KAZN: variants seen among roughly 807,000 people sequenced by gnomAD.
KAZN encodes kazrin.
KAZN carries 40 observed loss-of-function variants against 87.4 expected under a neutral mutation model. That is an observed-to-expected ratio of 0.46 (90% CI 0.36 to 0.60). The LOEUF is 0.60. Among genes scored for constraint, KAZN ranks in the 20% least tolerant of loss-of-function variants. The pLI is 0.00. For synonymous variants in KAZN, 466 were observed against 458.3 expected, an observed-to-expected ratio of 1.02 and a Z score of -0.22; for missense variants, 898 against 1,073.9, an observed-to-expected ratio of 0.84 and a Z score of 2.29.
chr1:14,835,512 C>T (rs1232038639), intron 1 of KAZN, among the ~76,000 whole-genome samples: 1 of 152,128 alleles, frequency 6.6e-6, no homozygotes, highest in African/African-American at 2.4e-5. Flanking sequence ...TTATGTTACT[C>T]ACTCTGCACA....
At chr1:14,508,502 A>G (rs768815410) in intron 2 of KAZN, among the ~76,000 whole-genome samples, 7 of 152,210 alleles carry the variant, frequency 4.6e-5, no homozygotes, top group Non-Finnish European at 7.3e-5. Flanking sequence ...TCCTTAAACA[A>G]TTTCAAATTT....
chr1:15,027,070 CTTTTTTTT>C (rs71000358), intron 2 of KAZN, among the ~76,000 whole-genome samples: 12 of 56,116 alleles, frequency 2.1e-4, no homozygotes, highest in African/African-American at 6.1e-4. Flanking sequence ...GCCAGTGCTT[CTTTTTTTT>C]TTTTTTTTTT....
chr1:13,998,029 T>C (rs551793044), intron 1 of KAZN, among the ~76,000 whole-genome samples: 3 of 152,314 alleles, frequency 2.0e-5, no homozygotes, highest in African/African-American at 7.2e-5. Context: ...AGCAGACCTT[T>C]CAGGAGAAAC....
intron 1 of KAZN, among the ~76,000 whole-genome samples, chr1:14,159,017 CT>C (rs1180747748): frequency 6.6e-6 from 1 of 152,070 alleles, no homozygotes; most frequent in Non-Finnish European, 1.5e-5. Flanking sequence ...ACAAGTACTC[CT>C]GTGGCCACCA....
chr1:14,823,035 C>T (rs1315468271), intron 1 of KAZN, among the ~76,000 whole-genome samples: 1 of 152,108 alleles, frequency 6.6e-6, no homozygotes, highest in East Asian at 1.9e-4. Flanking sequence ...TCTTCGAAAG[C>T]AGGAAGGGGT....
intron 1 of KAZN, among the ~76,000 whole-genome samples, chr1:14,131,194 A>G (rs553585783): frequency 6.6e-4 from 101 of 152,304 alleles, no homozygotes; most frequent in African/African-American, 2.4e-3. Flanking sequence ...AGGAACAGCA[A>G]GGAGGAAATC....
chr1:14,520,306 C>T (rs1464716394), intron 2 of KAZN, among the ~76,000 whole-genome samples: 1 of 152,082 alleles, frequency 6.6e-6, no homozygotes, highest in East Asian at 1.9e-4. Flanking sequence ...TGGCCACAGC[C>T]CAATGGAGGA....
chr1:14,259,114 C>T (rs1650808528), intron 2 of KAZN, among the ~76,000 whole-genome samples: 1 of 151,782 alleles, frequency 6.6e-6, no homozygotes, highest in South Asian at 2.1e-4. Flanking sequence ...TCACAAAGGC[C>T]GATGGTTTCT....
intron 2 of KAZN, among the ~76,000 whole-genome samples, chr1:15,003,591 G>T (rs1227696012): frequency 6.6e-6 from 1 of 152,148 alleles, no homozygotes; most frequent in Non-Finnish European, 1.5e-5. Flanking sequence ...CCAAGTGAGG[G>T]CCCCCTCCCA....
chr1:13,981,007 C>G (rs1415062799), intron 1 of KAZN, among the ~76,000 whole-genome samples: 1 of 144,164 alleles, frequency 6.9e-6, no homozygotes, highest in Non-Finnish European at 1.5e-5. Flanking sequence ...TTTTATGAGT[C>G]AGCTCATGCA....
chr1:14,542,812 G>GC (rs1672894331), intron 2 of KAZN, among the ~76,000 whole-genome samples: 1 of 152,182 alleles, frequency 6.6e-6, no homozygotes, highest in Non-Finnish European at 1.5e-5. Flanking sequence ...CCCCGGGCAA[G>GC]CGGGGGAACA....
chr1:14,673,268 A>G lies in KAZN; in HGVS notation c.226+74045A>G, dbSNP rs187908342. 5.7e-3 allele frequency among the ~76,000 whole-genome samples: 868 copies of G among 152,308 alleles called. 9 individuals are homozygous for G. Among genetic ancestry groups the G allele is most frequent in the Middle Eastern group, 0.014 (4 of 294 alleles). On this transcript the variant is annotated intron_variant, in intron 1 of 14. Coordinates refer to ENST00000376030, the MANE Select transcript of KAZN (RefSeq NM_201628.3). ...TCTTCCAGTCCTTGACTGAAGGTGG[A>G]TTCTGCGAGGAACTGACCAGGGCTG...
intron 2 of KAZN, among the ~76,000 whole-genome samples, chr1:14,983,532 A>G (rs375602757): frequency 6.6e-6 from 1 of 152,208 alleles, no homozygotes; most frequent in Non-Finnish European, 1.5e-5. Context: ...GGGGAGCAAA[A>G]TCACATATGC....
chr1:14,423,989 T>A (rs1665574444), intron 2 of KAZN, among the ~76,000 whole-genome samples: 1 of 152,160 alleles, frequency 6.6e-6, no homozygotes, highest in African/African-American at 2.4e-5. Context: ...GGCACGTAAC[T>A]TGAGCCCCTG....
chr1:13,972,408 A>G lies in KAZN; in HGVS notation c.91+78652A>G, dbSNP rs535028948. The stretch of plus-strand genomic sequence containing the variant: ...TTTAAAAATAAACAGAGATGTGAAG[A>G]TGCTCCCAGCATCTTGTGGGATGGA... On this transcript the variant is annotated intron_variant, in intron 1 of 16. Transcript: ENST00000636203. 3.9e-5 allele frequency among the ~76,000 whole-genome samples: 6 copies of G among 151,960 alleles called. No homozygotes were observed. The East Asian group carries it at 1.2e-3, about 29-fold the overall frequency.
intron 2 of KAZN, among the ~76,000 whole-genome samples, chr1:14,993,488 C>A (rs1031386599): frequency 2.5e-4 from 38 of 151,680 alleles, no homozygotes; most frequent in African/African-American, 4.8e-4. Context: ...AAATAATCAT[C>A]ATCATCATCA....
At chr1:14,951,445 C>CT (rs56820982) in intron 1 of KAZN, among the ~76,000 whole-genome samples, 47,415 of 150,962 alleles carry the variant, frequency 0.31, 7,934 homozygotes, top group Middle Eastern at 0.39. Flanking sequence ...GTGTCTCTGT[C>CT]TTTTTTTTTA....
At chr1:14,196,328 A>G (rs1395598412) in intron 2 of KAZN, among the ~76,000 whole-genome samples, 1 of 152,212 alleles carries the variant, frequency 6.6e-6, no homozygotes, top group African/African-American at 2.4e-5. Flanking sequence ...CCAAAAGAGT[A>G]ACCTGTACAA....
At chr1:13,926,094 A>G (rs1350196137) in intron 1 of KAZN, among the ~76,000 whole-genome samples, 11 of 151,996 alleles carry the variant, frequency 7.2e-5, no homozygotes, top group Non-Finnish European at 4.4e-5. Flanking sequence ...CAAAGGATCT[A>G]GTTCTCATTT....
Sources: allele counts gnomAD v4.1 joint callset (sites outside exome capture counted in the v4.1 genomes callset), GRCh38; gene constraint gnomAD v4.1.1; transcripts MANE v1.5; gene names NCBI Gene and HGNC (gene_info 2026-07-23, HGNC 2026-07-21).